GRK1: variants seen among roughly 807,000 people sequenced by gnomAD.
The protein encoded by GRK1 is rhodopsin kinase GRK1.
In GRK1, 28 loss-of-function variants were observed where a neutral mutation model predicts 41.7. The ratio of observed to expected loss-of-function variants is 0.67; its 90% confidence interval spans 0.50 to 0.92. GRK1 has a LOEUF of 0.92. Among genes scored for constraint, GRK1 ranks in the 40% least tolerant of loss-of-function variants. The probability of loss-of-function intolerance (pLI) is 0.00; values close to 1 mark genes in which losing one functional copy is unlikely to be tolerated. For synonymous variants in GRK1, 327 were observed against 286.7 expected, an observed-to-expected ratio of 1.14 and a Z score of -1.42; for missense variants, 703 against 671.2, an observed-to-expected ratio of 1.05 and a Z score of -0.52.
intron 2 of GRK1, 195 bp downstream of exon 2, chr13:113,670,009 G>A (rs1171983524): frequency 7.5e-6 from 2 of 266,038 alleles, no homozygotes; most frequent in Non-Finnish European, 5.8e-6. Context: ...ATCGGAGCAG[G>A]AGCCTGGGAG....
At chr13:113,652,200 C>T in the GRK1 span, among the ~76,000 whole-genome samples, 129 of 152,206 alleles carry the variant, frequency 8.5e-4, 1 homozygote, top group African/African-American at 3.0e-3. Flanking sequence ...CCGAGGGTGG[C>T]AGCTGCCATG....
Position 113,671,551 on chromosome 13 carries a change from G to T in GRK1, c.880G>T (p.Ala294Ser). The T allele has an allele frequency of 1.3e-6, 1 of 778,454 alleles. No individual in the cohort carries two copies. 48.2% of individuals were successfully genotyped at this position (778,454 alleles called of 1,614,324 possible). The change falls in exon 3 of 7, where the codon GCC becomes TCC. Residue 294 changes from alanine (A) to serine (S), a missense_variant. Transcript: ENST00000335678. This position sits in a 1 kb window ranked among gnomAD's most constrained non-coding sequence, Gnocchi z 4.1. ...EENPGFPEPR[A>S]LFYTAQIICG... ...GAACCCTGGCTTCCCGGAGCCGCGC[G>T]CCCTCTTCTACACGGCGCAGATCAT...
At chr13:113,668,766 C>T (rs1233876408) in intron 1 of GRK1, among the ~76,000 whole-genome samples, 4 of 152,230 alleles carry the variant, frequency 2.6e-5, no homozygotes, top group East Asian at 3.9e-4. Context: ...TGAGCCAGCC[C>T]CCTGCACTTT....
chr13:113,672,258 T>C lies in GRK1; in HGVS notation c.985+602T>C, dbSNP rs974435661. On this transcript the variant is annotated intron_variant, in intron 3 of 6. Transcript: ENST00000335678. ...GTGTATGTGTGTGCAGTGTGTGGTG[T>C]GTGATTGTGTGGTGTGTGCGGTGTG... Among the ~76,000 whole-genome samples the C allele has an allele frequency of 3.5e-4, 52 of 149,800 alleles. No individual in the cohort carries two copies. In the East Asian group the frequency reaches 7.1e-3, roughly 21 times the overall value.
chr13:113,649,060 C>G, the GRK1 span: 1 of 226,058 alleles, frequency 4.4e-6, no homozygotes, highest in South Asian at 6.3e-5. This position sits in a 1 kb window ranked among gnomAD's most constrained non-coding sequence, Gnocchi z 4.7. Flanking sequence ...AAAGTGATGT[C>G]TACATAGAAG....
At chr13:113,730,631 G>A (rs2049930514) in intron 4 of GRK1, among the ~76,000 whole-genome samples, 1 of 152,260 alleles carries the variant, frequency 6.6e-6, no homozygotes, top group Non-Finnish European at 1.5e-5. Flanking sequence ...CCACAGTCCT[G>A]TGGTTAAGGG....
the GRK1 span, among the ~76,000 whole-genome samples, chr13:113,658,667 T>C: frequency 6.6e-6 from 1 of 152,056 alleles, no homozygotes; most frequent in Non-Finnish European, 1.5e-5. Flanking sequence ...GGTCACCCAG[T>C]GGAAGGGTGA....
Position 113,731,067 on chromosome 13 carries a change from G to C in GRK1, c.1070-152G>C. 1 of 677,264 alleles carries C rather than the reference G, an allele frequency of 1.5e-6. No homozygotes were observed. The highest frequency in any genetic ancestry group is 1.8e-6 in the Non-Finnish European group (1 of 548,594). The allele number at this position is 677,264 out of a possible 1,614,324, so 42.0% of individuals were successfully genotyped here. ...TTGGCACCCAGTAACACACAGGGCA[G>C]CCCCTCCACAAAGGATTTTCTGGCC... On this transcript the variant is annotated intron_variant, in intron 4 of 6. Transcript: ENST00000335678. This position sits in a 1 kb window ranked among gnomAD's most constrained non-coding sequence, Gnocchi z 5.6.
chr13:113,732,962 G>A lies in GRK1; in HGVS notation c.1273G>A (p.Asp425Asn), dbSNP rs1263863049. 21 of 1,536,964 alleles carry A rather than the reference G, an allele frequency of 1.4e-5. No individual in the cohort carries two copies. Among genetic ancestry groups the A allele is most frequent in the Non-Finnish European group, 1.7e-5 (20 of 1,146,928 alleles). ...TGATAAGTTCAGCCAGGCCAGCAAG[G>A]ACTTCTGCGAGGCGCTGCTGGAGAA... ...YPDKFSQASK[D>N]FCEALLEKDP... The change falls in exon 6 of 7, where the codon GAC becomes AAC. Residue 425 changes from aspartate to asparagine, a missense_variant. By Grantham distance (23) the Asp-to-Asn change is conservative. Coordinates refer to ENST00000335678, the MANE Select transcript of GRK1 (RefSeq NM_002929.3).
chr13:113,733,984 GTGTGCATACA>G (rs1433520476), intron 6 of GRK1, among the ~76,000 whole-genome samples: 3 of 134,888 alleles, frequency 2.2e-5, no homozygotes, highest in Non-Finnish European at 5.1e-5. Context: ...GTGCGCATGT[GTGTGCATACA>G]TGTGTGTGCG....
At chr13:113,660,638 G>A in the GRK1 span, among the ~76,000 whole-genome samples, 2 of 152,244 alleles carry the variant, frequency 1.3e-5, no homozygotes, top group Admixed American at 6.5e-5. Context: ...GCTGGACTGA[G>A]AGGATCGTTT....
At chr13:113,666,973 A>C (rs892483256), upstream of GRK1, among the ~76,000 whole-genome samples, 5 of 152,292 alleles carry the variant, frequency 3.3e-5, no homozygotes, top group African/African-American at 1.2e-4. Flanking sequence ...GGAGCAGCTC[A>C]GAACAGAGCT....
In GRK1 at chr13:113,667,248, A is replaced by G; in HGVS notation, c.-139A>G. Reference sequence around the variant, plus strand: ...GTCCCCAGGAACCCTCGACAGGGCCAGGGCGTCTCTCTCGTCCAGCAAGGG... The same window carrying G: ...GTCCCCAGGAACCCTCGACAGGGCCGGGGCGTCTCTCTCGTCCAGCAAGGG... On this transcript the variant is annotated 5_prime_UTR_variant, in exon 1 of 7. Transcript: ENST00000335678. The surrounding 1 kb of genome is among the most constrained non-coding windows in gnomAD (Gnocchi z 7.5). 1 of 844,842 alleles carries G rather than the reference A, an allele frequency of 1.2e-6. No homozygotes were observed. The highest frequency in any genetic ancestry group is 1.8e-6 in the Non-Finnish European group (1 of 561,600). The allele number at this position is 844,842 out of a possible 1,614,324, so 52.3% of individuals were successfully genotyped here.
chr13:113,658,187 T>C, the GRK1 span: 1 of 1,564,852 alleles, frequency 6.4e-7, no homozygotes, highest in South Asian at 1.1e-5. Context: ...CTGCACCCTC[T>C]ACGCCCAGAC....
chr13:113,650,542 G>A, the GRK1 span: 1 of 1,560,788 alleles, frequency 6.4e-7, no homozygotes, highest in African/African-American at 1.4e-5. The surrounding 1 kb of genome is among the most constrained non-coding windows in gnomAD (Gnocchi z 5.0). Flanking sequence ...AGTCAGGCGG[G>A]AGCTGGTGTG....
At chr13:113,650,164 GTC>G in the GRK1 span, among the ~76,000 whole-genome samples, 2 of 144,156 alleles carry the variant, frequency 1.4e-5, no homozygotes, top group Admixed American at 1.4e-4. The surrounding 1 kb of genome is among the most constrained non-coding windows in gnomAD (Gnocchi z 5.0). Flanking sequence ...GAGCAAGACT[GTC>G]TCAAAAAAAA....
At position 113,667,683 on chromosome 13, in the gene GRK1, C is replaced by T. The variant is rs781506486; in HGVS notation, c.297C>T (p.Asp99=). 3 of 1,613,554 alleles carry T rather than the reference C, an allele frequency of 1.9e-6. No individual in the cohort carries two copies. Among genetic ancestry groups the T allele is most frequent in the Non-Finnish European group, 2.5e-6 (3 of 1,179,924 alleles). ...ACATCGAGGACTATGACACGGCAGA[C>T]AATGACCTCCAGCCACAGAAGGCCC... is the stretch of plus-strand genomic sequence containing the variant. ...WKDIEDYDTA[D]NDLQPQKAQT... The change falls in exon 1 of 7, where the codon GAC becomes GAT. Residue 99 remains aspartate, a synonymous_variant. Transcript: ENST00000335678. This position sits in a 1 kb window ranked among gnomAD's most constrained non-coding sequence, Gnocchi z 7.5.
intron 6 of GRK1, among the ~76,000 whole-genome samples, chr13:113,733,920 GTGTGCA>G (rs1189900440): frequency 7.9e-4 from 58 of 73,862 alleles, no homozygotes; most frequent in Admixed American, 1.3e-3. Context: ...CAGTGTGCGT[GTGTGCA>G]TGTGTGCATA....
chr13:113,652,604 C>T, the GRK1 span: 1 of 524,030 alleles, frequency 1.9e-6, no homozygotes, highest in Non-Finnish European at 3.5e-6. Flanking sequence ...GAAGGGGGCC[C>T]TGGCCTTGCA....
Sources: gnomAD v4.1 joint callset for allele counts (sites outside exome capture counted in the v4.1 genomes callset) on GRCh38, gnomAD v4.1.1 for gene constraint, Gnocchi (gnomAD v3.1) non-coding constraint, MANE v1.5 for transcripts, NCBI Gene and HGNC (gene_info 2026-07-23, HGNC 2026-07-21) for gene names.